The following EPHA6 variants were observed in gnomAD, a reference collection of about 807,000 sequenced individuals.
EPHA6 encodes EPH receptor A6.
EPHA6 carries 50 observed loss-of-function variants against 112.0 expected under a neutral mutation model. That is an observed-to-expected ratio of 0.45 (90% CI 0.36 to 0.56). The LOEUF is 0.56. EPHA6 is among the 20% of genes least tolerant of loss of function. The pLI is 0.00. For synonymous variants in EPHA6, 529 were observed against 490.7 expected, an observed-to-expected ratio of 1.08 and a Z score of -1.03; for missense variants, 1,280 against 1,417.4, an observed-to-expected ratio of 0.90 and a Z score of 1.56.
chr3:97,364,847 C>T (rs1489937924), intron 5 of EPHA6, among the ~76,000 whole-genome samples: 1 of 152,096 alleles, frequency 6.6e-6, no homozygotes, highest in Non-Finnish European at 1.5e-5. Flanking sequence ...TAGTGAAGCA[C>T]AAATTGAAGA....
chr3:97,318,083 G>T (rs1403862641), intron 5 of EPHA6, among the ~76,000 whole-genome samples: 1 of 151,956 alleles, frequency 6.6e-6, no homozygotes, highest in Non-Finnish European at 1.5e-5. Flanking sequence ...AGGAGCTCAG[G>T]TCTGTTTGGG....
intron 5 of EPHA6, among the ~76,000 whole-genome samples, chr3:97,385,634 A>G (rs1043038001): frequency 1.3e-5 from 2 of 152,094 alleles, no homozygotes; most frequent in African/African-American, 2.4e-5. Context: ...TTCTCAAACT[A>G]CTATAAAGAC....
At chr3:97,391,721 C>A (rs1236240638) in intron 5 of EPHA6, among the ~76,000 whole-genome samples, 2 of 151,794 alleles carry the variant, frequency 1.3e-5, no homozygotes, top group Non-Finnish European at 2.9e-5. Context: ...CCAATTCCAT[C>A]TGAAGTTATC....
At chr3:97,423,459 C>G (rs2088845746) in intron 6 of EPHA6, among the ~76,000 whole-genome samples, 1 of 152,078 alleles carries the variant, frequency 6.6e-6, no homozygotes, top group Non-Finnish European at 1.5e-5. Context: ...GGTGAAAGAT[C>G]TCTACAATGA....
intron 1 of EPHA6, among the ~76,000 whole-genome samples, chr3:96,825,817 T>C (rs775454861): frequency 1.3e-5 from 2 of 151,892 alleles, no homozygotes; most frequent in Non-Finnish European, 2.9e-5. Context: ...ATAATTATAC[T>C]CTATTTTTAA....
At chr3:97,209,585 T>C (rs934428807) in intron 3 of EPHA6, among the ~76,000 whole-genome samples, 4 of 152,218 alleles carry the variant, frequency 2.6e-5, no homozygotes, top group Non-Finnish European at 5.9e-5. Context: ...GCATGATTAA[T>C]AACTTTCTAT....
intron 2 of EPHA6, among the ~76,000 whole-genome samples, chr3:96,966,978 C>G (rs1022917248): frequency 6.6e-6 from 1 of 151,786 alleles, no homozygotes; most frequent in East Asian, 1.9e-4. Context: ...TAGCTTAATT[C>G]TGTGTCATTT....
intron 10 of EPHA6, among the ~76,000 whole-genome samples, chr3:97,524,911 C>T (rs987030980): frequency 1.2e-4 from 18 of 151,982 alleles, no homozygotes; most frequent in African/African-American, 3.6e-4. Flanking sequence ...TTGTTTTTGG[C>T]TTTAATTTGA....
intron 2 of EPHA6, among the ~76,000 whole-genome samples, chr3:96,869,235 A>G (rs1418702773): frequency 1.3e-5 from 2 of 152,156 alleles, no homozygotes; most frequent in Non-Finnish European, 2.9e-5. Context: ...ATTGAAGCAC[A>G]GCGATAATTA....
chr3:97,003,886 T>A (rs1233118659), intron 3 of EPHA6, among the ~76,000 whole-genome samples: 2 of 147,496 alleles, frequency 1.4e-5, no homozygotes, highest in Non-Finnish European at 3.0e-5. Flanking sequence ...AGTGAGAACA[T>A]GCAGTGTTTG....
At chr3:97,143,685 T>C (rs1313183134) in intron 3 of EPHA6, among the ~76,000 whole-genome samples, 1 of 151,796 alleles carries the variant, frequency 6.6e-6, no homozygotes, top group East Asian at 1.9e-4. Context: ...GTATTATTGT[T>C]ATTCCCCAGG....
At chr3:97,585,232 A>G (rs2093477579) in intron 11 of EPHA6, among the ~76,000 whole-genome samples, 1 of 152,230 alleles carries the variant, frequency 6.6e-6, no homozygotes, top group South Asian at 2.1e-4. Flanking sequence ...AGCATTTTGC[A>G]GGTGAGAAAA....
At chr3:97,646,761 A>C (rs965117161) in intron 14 of EPHA6, among the ~76,000 whole-genome samples, 4 of 152,184 alleles carry the variant, frequency 2.6e-5, no homozygotes, top group African/African-American at 9.7e-5. Context: ...GTGAAAGAAA[A>C]CATATTCACA....
At chr3:97,321,383 A>C (rs2082111698) in intron 5 of EPHA6, among the ~76,000 whole-genome samples, 1 of 151,822 alleles carries the variant, frequency 6.6e-6, no homozygotes, top group African/African-American at 2.4e-5. Flanking sequence ...CAATGACCTC[A>C]ATATAGTTTC....
intron 2 of EPHA6, among the ~76,000 whole-genome samples, chr3:96,879,075 ATTATT>A (rs2037146923): frequency 3.3e-5 from 5 of 152,050 alleles, no homozygotes; most frequent in Admixed American, 3.3e-4. Flanking sequence ...AATATTGTCT[ATTATT>A]AGGTTTAAGA....
At chr3:97,745,666 T>A (rs1056321269) in intron 16 of EPHA6, 6 of 168,034 alleles carry the variant, frequency 3.6e-5, no homozygotes, top group Non-Finnish European at 7.6e-5. Context: ...AGACCTCAGT[T>A]TAGAAAAAGG....
chr3:97,600,736 G>A (rs2093636444), intron 12 of EPHA6, among the ~76,000 whole-genome samples: 1 of 151,362 alleles, frequency 6.6e-6, no homozygotes, highest in South Asian at 2.1e-4. Context: ...AGAATTCAAT[G>A]TTCTATATAT....
At chr3:97,497,209 C>T (rs1045931028) in intron 10 of EPHA6, among the ~76,000 whole-genome samples, 3 of 152,188 alleles carry the variant, frequency 2.0e-5, no homozygotes, top group African/African-American at 7.2e-5. Flanking sequence ...GCCTGGCCAC[C>T]TACTTAGCTG....
intron 14 of EPHA6, among the ~76,000 whole-genome samples, chr3:97,675,151 C>T (rs1400105588): frequency 3.3e-5 from 5 of 152,260 alleles, no homozygotes; most frequent in South Asian, 2.1e-4. Flanking sequence ...TTAAACAAAA[C>T]ATGCAGAACT....
Sources: allele counts gnomAD v4.1 joint callset (sites outside exome capture counted in the v4.1 genomes callset), GRCh38; gene constraint gnomAD v4.1.1; transcripts MANE v1.5; gene names NCBI Gene and HGNC (gene_info 2026-07-23, HGNC 2026-07-21).